The following IL10RA variants were observed in gnomAD, a reference collection of about 807,000 sequenced individuals.
IL10RA encodes interleukin-10 receptor subunit alpha.
In IL10RA, 18 loss-of-function variants were observed where a neutral mutation model predicts 29.6. The ratio of observed to expected loss-of-function variants is 0.61; its 90% CI spans 0.42 to 0.90. The LOEUF is 0.90. Among genes scored for constraint, IL10RA ranks in the 40% least tolerant of loss-of-function variants. The probability of loss-of-function intolerance (pLI) is 0.00; values close to 1 mark genes in which losing one functional copy is unlikely to be tolerated. For missense variants in IL10RA, 634 were observed against 716.6 expected, an observed-to-expected ratio of 0.88 and a Z score of 1.32; for synonymous variants, 292 against 294.1, an observed-to-expected ratio of 0.99 and a Z score of 0.07.
chr11:117,995,014 A>G (rs1261440648), intron 5 of IL10RA: 1 of 164,870 alleles, frequency 6.1e-6, no homozygotes, highest in Admixed American at 5.6e-5. Context: ...CAGCTTTACA[A>G]CTTTTGAGGT....
rs73009930 is a variant in IL10RA, at chr11:117,987,417, A to C, written c.67+883A>C. On this transcript the variant is annotated intron_variant, in intron 1 of 6. Coordinates refer to ENST00000227752, the MANE Select transcript of IL10RA (RefSeq NM_001558.4). ...GACAGATGACAGAGTCCTCCCCCCC[A>C]AAAAATAAATAAAAAACAGGTGCAT... The C allele has an allele frequency of 1.8e-3, 279 of 159,032 alleles. 1 individual carries two copies. Among genetic ancestry groups the C allele is most frequent in the Middle Eastern group, 3.3e-3 (1 of 300 alleles). 9.9% of individuals were successfully genotyped at this position (159,032 alleles called of 1,614,324 possible). A position where few individuals can be genotyped will look rare whatever the true frequency, so the allele number is the denominator to read the frequency against.
At chr11:117,993,159 AG>A in intron 3 of IL10RA, 81 bp from the exon 4 acceptor site, 2 of 1,285,252 alleles carry the variant, frequency 1.6e-6, no homozygotes, top group Non-Finnish European at 2.3e-6. Context: ...TTAATTCTGG[AG>A]GCAAAGTCTC....
intron 1 of IL10RA, chr11:117,986,905 T>A: frequency 8.4e-7 from 1 of 1,190,990 alleles, no homozygotes; most frequent in Non-Finnish European, 1.1e-6. Flanking sequence ...TGACTCTCCC[T>A]TCTCTTAGTC....
At chr11:117,997,839 G>A (rs4252286) in intron 6 of IL10RA, among the ~76,000 whole-genome samples, 2,690 of 152,264 alleles carry the variant, frequency 0.018, 46 homozygotes, top group Middle Eastern at 0.044. Flanking sequence ...CTTTAGGCAA[G>A]GTATTCAGGA....
chr11:117,995,603 A>T lies in IL10RA; in HGVS notation c.703A>T (p.Asn235Tyr). Residue 235 changes from asparagine (N) to tyrosine (Y), a missense_variant, in exon 6 of 7, where the codon AAC becomes TAC. Physicochemically the swap from Asn to Tyr is moderately radical, Grantham distance 143 (BLOSUM62 -2). Transcript: ENST00000227752. ...TGGGCCTGCAGATTTCACCGTGACC[A>T]ACGTCATCATCTTCTTTGCCTTTGT... Reference protein sequence around the residue: ...SLTRQYFTVTNVIIFFAFVLL... With the variant: ...SLTRQYFTVTYVIIFFAFVLL... 1 of 1,614,162 alleles carries T rather than the reference A, an allele frequency of 6.2e-7. No individual in the cohort carries two copies. The highest frequency in any genetic ancestry group is 8.5e-7 in the Non-Finnish European group (1 of 1,180,028).
chr11:117,993,057 T>C, intron 3 of IL10RA, 184 bp from the exon 4 acceptor site: 1 of 611,712 alleles, frequency 1.6e-6, no homozygotes, highest in Non-Finnish European at 2.9e-6. Context: ...TTTTAGGGTA[T>C]ATGTATTTTT....
At chr11:117,986,814 G>GT (rs2057989864) in intron 1 of IL10RA, 1 of 1,507,170 alleles carries the variant, frequency 6.6e-7, no homozygotes, top group Non-Finnish European at 8.9e-7. Context: ...TAGATGAGCC[G>GT]TAAGTTTAGC....
chr11:117,997,491 C>T (rs2058063666), intron 6 of IL10RA, among the ~76,000 whole-genome samples: 1 of 152,164 alleles, frequency 6.6e-6, no homozygotes, highest in Non-Finnish European at 1.5e-5. Context: ...CCTAAATCAC[C>T]AAGCAATGTG....
chr11:117,995,412 A>G, intron 5 of IL10RA, 177 bp from the exon 6 acceptor site: 1 of 732,160 alleles, frequency 1.4e-6, no homozygotes, highest in Non-Finnish European at 2.4e-6. Flanking sequence ...TTGGAAGGCC[A>G]GGTAGGGATT....
At position 117,989,811 on chromosome 11, in the gene IL10RA, T is replaced by C; in HGVS notation, c.367+191T>C. 1.5e-6 allele frequency: 1 copy of C among 667,268 alleles called. No individual in the cohort carries two copies. The allele number at this position is 667,268 out of a possible 1,614,324, so 41.3% of individuals were successfully genotyped here. A position where few individuals can be genotyped will look rare whatever the true frequency, so the allele number is the denominator to read the frequency against. ...AAAATAGCCCAAGTTGTTTGAGATT[T>C]AAAAGGGAACTGGAGTTGTTTATCC... is the stretch of plus-strand genomic sequence containing the variant. On this transcript the variant is annotated intron_variant, in intron 3 of 6. Coordinates refer to ENST00000227752, the MANE Select transcript of IL10RA (RefSeq NM_001558.4). This position sits in a 1 kb window ranked among gnomAD's most constrained non-coding sequence, Gnocchi z 4.5.
rs748186383 is a variant in IL10RA, at chr11:117,993,256, G to A, written c.383G>A (p.Gly128Asp). The A allele has an allele frequency of 1.2e-6, 2 of 1,614,016 alleles. No homozygotes were observed. The highest frequency in any genetic ancestry group is 1.1e-5 in the South Asian group (1 of 91,068). ...FSVDEVTLTV[G>D]SVNLEIHNGF... ...CTCCATTTAGTGACTCTGACAGTTG[G>A]CAGTGTGAACCTAGAGATCCACAAT... is the stretch of plus-strand genomic sequence containing the variant. Residue 128 changes from glycine to aspartate, a missense_variant, in exon 4 of 7, where the codon GGC (glycine) becomes GAC (aspartate). Transcript: ENST00000227752.
In IL10RA at chr11:117,989,383, T is replaced by G; in HGVS notation, c.189-59T>G. 1 of 1,501,602 alleles carries G rather than the reference T, an allele frequency of 6.7e-7. No homozygotes were observed. The highest frequency in any genetic ancestry group is 9.3e-7 in the Non-Finnish European group (1 of 1,077,586). 93.0% of individuals were successfully genotyped at this position (1,501,602 alleles called of 1,614,324 possible). On this transcript the variant is annotated intron_variant, in intron 2 of 6. Coordinates refer to ENST00000227752, the MANE Select transcript of IL10RA (RefSeq NM_001558.4). The surrounding 1 kb of genome is among the most constrained non-coding windows in gnomAD (Gnocchi z 4.5). ...TCTTCCTGGCCTCTTGCGTCTCCCT[T>G]AAAGGAGGTAGGATTGAGCACAAGC... is the stretch of plus-strand genomic sequence containing the variant.
chr11:117,988,444 C>T lies in IL10RA; in HGVS notation c.130C>T (p.His44Tyr). Residue 44 changes from histidine to tyrosine, a missense_variant, in exon 2 of 7, where the codon CAC (histidine) becomes TAC (tyrosine). By Grantham distance (83) the His-to-Tyr change is moderately conservative. Transcript: ENST00000227752. The stretch of plus-strand genomic sequence containing the variant: ...AGCAGAATTTTTCCACCACATCCTC[C>T]ACTGGACACCCATCCCAAATCAGTC... ...FEAEFFHHIL[H>Y]WTPIPNQSES... 3 of 1,614,192 alleles carry T rather than the reference C, an allele frequency of 1.9e-6. No individual in the cohort carries two copies. The highest frequency in any genetic ancestry group is 2.5e-6 in the Non-Finnish European group (3 of 1,180,018).
In IL10RA at chr11:117,986,488, G is replaced by C. The variant is rs4252301; in HGVS notation, c.21G>C (p.Val7=). The change falls in exon 1 of 7, where the codon GTG becomes GTC. Residue 7 remains valine (V), a synonymous_variant. Coordinates refer to ENST00000227752, the MANE Select transcript of IL10RA (RefSeq NM_001558.4). MLPCLV[V]LLAALLSLRL... ...CCAGGATGCTGCCGTGCCTCGTAGT[G>C]CTGCTGGCGGCGCTCCTCAGCCTCC... 12,140 of 1,556,200 alleles carry C rather than the reference G, an allele frequency of 7.8e-3. 53 individuals carry two copies. The highest frequency in any genetic ancestry group is 9.7e-3 in the Non-Finnish European group (11,165 of 1,149,894).
Position 118,000,714 on chromosome 11 carries a change from A to T in IL10RA, c.*1073A>T, listed in dbSNP as rs566331087. The T allele has an allele frequency of 1.1e-5, 5 of 453,876 alleles. No individual in the cohort carries two copies. Among genetic ancestry groups the T allele is most frequent in the Non-Finnish European group, 2.2e-5 (5 of 226,724 alleles). 28.1% of individuals were successfully genotyped at this position (453,876 alleles called of 1,614,324 possible). On this transcript the variant is annotated 3_prime_UTR_variant, in exon 7 of 7. Transcript: ENST00000227752. ...TCAATCTCCCATCTGTGAAATAAGG[A>T]CTCCACCTTTAGGGGACCCTCCATG...
chr11:118,000,175 C>G lies in IL10RA; in HGVS notation c.*534C>G, dbSNP rs187851353. The G allele has an allele frequency of 2.2e-6, 1 of 453,006 alleles. No homozygotes were observed. Among genetic ancestry groups the G allele is most frequent in the African/African-American group, 2.0e-5 (1 of 49,638 alleles). 28.1% of individuals were successfully genotyped at this position (453,006 alleles called of 1,614,324 possible). A position where few individuals can be genotyped will look rare whatever the true frequency, so the allele number is the denominator to read the frequency against. Reference sequence around the variant, plus strand: ...GGTCACATGGGGAACCTCCCCTCATCGGGCCTCTGGGGCAGGAAGCTTGTC... The same window carrying G: ...GGTCACATGGGGAACCTCCCCTCATGGGGCCTCTGGGGCAGGAAGCTTGTC... On this transcript the variant is annotated 3_prime_UTR_variant, in exon 7 of 7. Coordinates refer to ENST00000227752, the MANE Select transcript of IL10RA (RefSeq NM_001558.4).
At position 117,988,443 on chromosome 11, in the gene IL10RA, C is replaced by T; in HGVS notation, c.129C>T (p.Leu43=). 1.2e-6 allele frequency: 2 copies of T among 1,614,196 alleles called. No homozygotes were observed. Among genetic ancestry groups the T allele is most frequent in the African/African-American group, 1.3e-5 (1 of 75,042 alleles). The change falls in exon 2 of 7, where the codon CTC becomes CTT. Residue 43 remains leucine (L), a synonymous_variant. Coordinates refer to ENST00000227752, the MANE Select transcript of IL10RA (RefSeq NM_001558.4). The part of the protein sequence containing the change: ...WFEAEFFHHI[L]HWTPIPNQSE... ...AAGCAGAATTTTTCCACCACATCCT[C>T]CACTGGACACCCATCCCAAATCAGT...
chr11:118,000,495 C>G lies in IL10RA; in HGVS notation c.*854C>G, dbSNP rs535662153. 5.6e-4 allele frequency: 253 copies of G among 454,320 alleles called. 2 individuals are homozygous for G. The highest frequency in any genetic ancestry group is 1.4e-3 in the Middle Eastern group (2 of 1,444). 28.1% of individuals were successfully genotyped at this position (454,320 alleles called of 1,614,324 possible). A position where few individuals can be genotyped will look rare whatever the true frequency, so the allele number is the denominator to read the frequency against. On this transcript the variant is annotated 3_prime_UTR_variant, in exon 7 of 7. Coordinates refer to ENST00000227752, the MANE Select transcript of IL10RA (RefSeq NM_001558.4). ...GTTTTTTGTATTGGTCATAACTCAG[C>G]CCTTTGGGCGGCCTCTGGGCTTGGG...
downstream of IL10RA, chr11:118,002,278 G>T (rs2058100676): frequency 6.6e-6 from 1 of 152,242 alleles, no homozygotes; most frequent in Non-Finnish European, 1.5e-5. Context: ...CCTAGAAGGT[G>T]ACTGGGGACA....
Sources: gnomAD v4.1 joint callset for allele counts (sites outside exome capture counted in the v4.1 genomes callset) on GRCh38, gnomAD v4.1.1 for gene constraint, Gnocchi (gnomAD v3.1) non-coding constraint, MANE v1.5 for transcripts, NCBI Gene and HGNC (gene_info 2026-07-23, HGNC 2026-07-21) for gene names.